NSD1: variants seen among roughly 807,000 people sequenced by gnomAD.
NSD1 encodes the protein nuclear receptor binding SET domain protein 1, also known as histone-lysine N-methyltransferase, H3 lysine-36 specific.
Under a neutral mutation model 242.7 loss-of-function variants are expected in NSD1, and 26 were observed. That is an observed-to-expected ratio of 0.11 (90% confidence interval 0.08 to 0.15). NSD1 has a LOEUF of 0.15. Among genes scored for constraint, NSD1 ranks in the 10% least tolerant of loss-of-function variants. The probability of loss-of-function intolerance (pLI) is 1.00; values close to 1 mark genes in which losing one functional copy is unlikely to be tolerated. For synonymous variants in NSD1, 1,106 were observed against 1,178.1 expected (o/e 0.94, Z 1.25); for missense variants, 2,495 against 3,272.8 (o/e 0.76, Z 5.80).
intron 3 of NSD1, among the ~76,000 whole-genome samples, chr5:177,196,624 A>G (rs1562187275): frequency 2.6e-5 from 4 of 152,192 alleles, no homozygotes; most frequent in African/African-American, 7.2e-5. Flanking sequence ...ACACCAGAGC[A>G]TCTATAACTC....
chr5:177,294,073 C>G lies in NSD1; in HGVS notation c.6705C>G (p.His2235Gln). The G allele has an allele frequency of 6.2e-7, 1 of 1,614,106 alleles. No individual in the cohort carries two copies. Among genetic ancestry groups the G allele is most frequent in the East Asian group, 2.2e-5 (1 of 44,876 alleles). ...CGCTGCCTCCAGGGCCAAGCACTCA[C>G]CTGGCAGAGCAATCAACAGGAATGG... is the stretch of plus-strand genomic sequence containing the variant. ...PVPLPPGPST[H>Q]LAEQSTGMAA... Residue 2235 changes from histidine to glutamine, a missense_variant, in exon 23 of 23, where the codon CAC (histidine) becomes CAG (glutamine). His to Gln is a conservative substitution (Grantham distance 24). Coordinates refer to ENST00000439151, the MANE Select transcript of NSD1 (RefSeq NM_022455.5).
intron 5 of NSD1, among the ~76,000 whole-genome samples, chr5:177,215,889 G>A (rs780577812): frequency 6.6e-6 from 1 of 151,954 alleles, no homozygotes; most frequent in Non-Finnish European, 1.5e-5. Flanking sequence ...ATGATACTGG[G>A]CCTCTTTGTC....
At chr5:177,227,012 C>G (rs919751506) in intron 5 of NSD1, among the ~76,000 whole-genome samples, 1 of 152,116 alleles carries the variant, frequency 6.6e-6, no homozygotes, top group Non-Finnish European at 1.5e-5. Context: ...TGAGTAAATA[C>G]TATTACATGT....
chr5:177,246,806 A>G lies in NSD1; in HGVS notation c.4497+10A>G, dbSNP rs1471806142. ...GATTCCAGGCTCAGAGGTATTACTC[A>G]GTTCCTGATCTTTTCACCTTCTAAA... On this transcript the variant is annotated intron_variant, in intron 10 of 22. Transcript: ENST00000439151. 1 of 1,579,124 alleles carries G rather than the reference A, an allele frequency of 6.3e-7. No homozygotes were observed. Among genetic ancestry groups the G allele is most frequent in the Admixed American group, 1.7e-5 (1 of 59,964 alleles).
At chr5:177,290,494 G>A (rs1403747942) in intron 21 of NSD1, among the ~76,000 whole-genome samples, 5 of 149,020 alleles carry the variant, frequency 3.4e-5, no homozygotes, top group Admixed American at 2.0e-4. Context: ...TGTAACCTCC[G>A]TCTCCCAGGT....
intron 5 of NSD1, among the ~76,000 whole-genome samples, chr5:177,231,365 G>C (rs376166271): frequency 6.6e-6 from 1 of 152,178 alleles, no homozygotes; most frequent in African/African-American, 2.4e-5. Context: ...GATTACAGGC[G>C]TGGGCCACTT....
chr5:177,272,276 C>T (rs1758007507), intron 16 of NSD1, among the ~76,000 whole-genome samples: 1 of 151,924 alleles, frequency 6.6e-6, no homozygotes, highest in African/African-American at 2.4e-5. Context: ...TTCTAGTCTA[C>T]CTCCTTAGAA....
intron 2 of NSD1, among the ~76,000 whole-genome samples, chr5:177,140,248 TTTG>T (rs1458785356): frequency 5.9e-5 from 9 of 152,156 alleles, no homozygotes; most frequent in South Asian, 2.1e-4. Context: ...GGTTTTATGC[TTTG>T]TTGTTGTTGT....
intron 2 of NSD1, among the ~76,000 whole-genome samples, chr5:177,188,626 C>CTG (rs1761425737): frequency 6.6e-6 from 1 of 152,020 alleles, no homozygotes; most frequent in African/African-American, 2.4e-5. Flanking sequence ...ATGTATAGCT[C>CTG]TGTTATCTTT....
chr5:177,149,066 A>G (rs1400801178), intron 2 of NSD1, among the ~76,000 whole-genome samples: 1 of 151,966 alleles, frequency 6.6e-6, no homozygotes. Flanking sequence ...TAATCCACCC[A>G]TCTTGGCTTC....
chr5:177,178,104 A>G (rs773778087), intron 2 of NSD1, among the ~76,000 whole-genome samples: 3 of 151,950 alleles, frequency 2.0e-5, no homozygotes, highest in Non-Finnish European at 4.4e-5. Flanking sequence ...CATGTTGGCC[A>G]GGCTGGCCTC....
At chr5:177,207,249 C>T (rs956310526) in intron 4 of NSD1, among the ~76,000 whole-genome samples, 11 of 149,778 alleles carry the variant, frequency 7.3e-5, no homozygotes, top group East Asian at 4.0e-4. Flanking sequence ...TGCCCGGCCT[C>T]GTTACCGTAA....
chr5:177,257,837 A>ATTTTT (rs201609157), intron 13 of NSD1, among the ~76,000 whole-genome samples: 21 of 132,590 alleles, frequency 1.6e-4, no homozygotes, highest in East Asian at 1.3e-3. Flanking sequence ...ATTTTATTTT[A>ATTTTT]TTTTATTTTT....
intron 20 of NSD1, among the ~76,000 whole-genome samples, chr5:177,287,666 CAG>C (rs1260004095): frequency 3.3e-5 from 5 of 151,898 alleles, no homozygotes; most frequent in Non-Finnish European, 7.4e-5. Context: ...GAAAAAAAAA[CAG>C]TGTGAATAGA....
rs562617982 is a variant in NSD1, at chr5:177,282,569, C to A, written c.5997C>A (p.Leu1999=). Residue 1999 remains leucine, a synonymous_variant, in exon 19 of 23, where the codon CTC becomes CTA. Transcript: ENST00000439151. ...QEHDITNFYM[L]TLDKDRIIDA... The stretch of plus-strand genomic sequence containing the variant: ...ATGATATCACTAATTTCTATATGCT[C>A]ACCCTAGACAAAGTAAGTAATGGGA... 6.3e-7 allele frequency: 1 copy of A among 1,599,446 alleles called. No individual in the cohort carries two copies. The highest frequency in any genetic ancestry group is 8.6e-7 in the Non-Finnish European group (1 of 1,166,658).
Position 177,298,894 on chromosome 5 carries a change from CTG to C in NSD1, c.*3437_*3438del. The C allele has an allele frequency of 4.3e-6, 1 of 233,086 alleles. No homozygotes were observed. Among genetic ancestry groups the C allele is most frequent in the Non-Finnish European group, 8.5e-6 (1 of 117,914 alleles). 14.4% of individuals were successfully genotyped at this position (233,086 alleles called of 1,614,324 possible). ...TTTTACTAAGGTTTTTTAAATGATA[CTG>C]TCATCCTCTTGGGGTTTATCAGCCA... On this transcript the variant is annotated 3_prime_UTR_variant, in exon 23 of 23. Transcript: ENST00000439151.
chr5:177,276,086 C>T (rs79385213), intron 17 of NSD1, among the ~76,000 whole-genome samples: 7,246 of 152,162 alleles, frequency 0.048, 190 homozygotes, highest in South Asian at 0.082. Flanking sequence ...GAGCCACCAA[C>T]GCCTGGCTAA....
At chr5:177,147,866 A>G (rs1308590641) in intron 2 of NSD1, among the ~76,000 whole-genome samples, 3 of 152,290 alleles carry the variant, frequency 2.0e-5, no homozygotes, top group Middle Eastern at 3.4e-3. Context: ...CTGGGATTAC[A>G]GGTGTGAGCC....
In NSD1 at chr5:177,288,942, C is replaced by T. The variant is rs1171029209; in HGVS notation, c.6258+17C>T. ...AGGCCAAAGGTACCACCCTTCTAGA[C>T]TTCTGCTTTGGGATTAGTGGTGCGG... is the stretch of plus-strand genomic sequence containing the variant. On this transcript the variant is annotated intron_variant, in intron 21 of 22. Coordinates refer to ENST00000439151, the MANE Select transcript of NSD1 (RefSeq NM_022455.5). The T allele has an allele frequency of 2.5e-6, 4 of 1,583,820 alleles. No homozygotes were observed. Among genetic ancestry groups the T allele is most frequent in the Non-Finnish European group, 2.6e-6 (3 of 1,152,486 alleles).
Sources: allele counts gnomAD v4.1 joint callset (sites outside exome capture counted in the v4.1 genomes callset), GRCh38; gene constraint gnomAD v4.1.1; transcripts MANE v1.5; gene names NCBI Gene and HGNC (gene_info 2026-07-23, HGNC 2026-07-21).